Variants in ERGIC1 observed in about 807,000 individuals in gnomAD.
ERGIC1 encodes the protein endoplasmic reticulum-Golgi intermediate compartment protein 1.
ERGIC1 carries 19 observed loss-of-function variants against 38.3 expected under a neutral mutation model. The observed-to-expected ratio is 0.50, with a 90% CI of 0.35 to 0.73. The LOEUF is 0.73. Among genes scored for constraint, ERGIC1 ranks in the 30% least tolerant of loss-of-function variants. The pLI is 0.01. For missense variants in ERGIC1, 294 were observed against 389.2 expected (o/e 0.76, Z 2.06); for synonymous variants, 124 against 157.6 (o/e 0.79, Z 1.60).
At chr5:172,938,006 A>AAAAAG (rs113195509) in intron 9 of ERGIC1, 5,844 of 152,238 alleles carry the variant, frequency 0.038, 390 homozygotes, top group African/African-American at 0.13. Flanking sequence ...TCAAAAAAAA[A>AAAAAG]AAAGAAAGAA....
At chr5:172,894,352 C>T (rs1762668636) in intron 2 of ERGIC1, among the ~76,000 whole-genome samples, 1 of 151,442 alleles carries the variant, frequency 6.6e-6, no homozygotes, top group Admixed American at 6.6e-5. Flanking sequence ...CCTGCCACAA[C>T]ACCTGGCTAA....
chr5:172,850,127 G>C (rs1581509723), intron 1 of ERGIC1, among the ~76,000 whole-genome samples: 1 of 152,164 alleles, frequency 6.6e-6, no homozygotes, highest in Non-Finnish European at 1.5e-5. Context: ...TACCCAACAA[G>C]CCAGGTGGCA....
At chr5:172,843,004 C>T (rs1340116466) in intron 1 of ERGIC1, among the ~76,000 whole-genome samples, 4 of 152,064 alleles carry the variant, frequency 2.6e-5, no homozygotes, top group African/African-American at 9.7e-5. Flanking sequence ...ATTAGCTGGG[C>T]ATGGTGGTAT....
chr5:172,865,594 A>G (rs559280628), intron 1 of ERGIC1, among the ~76,000 whole-genome samples: 1 of 152,212 alleles, frequency 6.6e-6, no homozygotes, highest in East Asian at 1.9e-4. Flanking sequence ...AGTACCCCAG[A>G]AAGCTCCTGC....
chr5:172,940,669 C>T (rs959738388), intron 9 of ERGIC1, among the ~76,000 whole-genome samples: 1 of 152,178 alleles, frequency 6.6e-6, no homozygotes, highest in South Asian at 2.1e-4. Context: ...TTGCGTGCTA[C>T]TCAAAACCTG....
At chr5:172,911,602 G>GT (rs1273495978) in intron 4 of ERGIC1, among the ~76,000 whole-genome samples, 1 of 151,920 alleles carries the variant, frequency 6.6e-6, no homozygotes, top group African/African-American at 2.4e-5. Flanking sequence ...GCTCATCATT[G>GT]TACTTCTGGA....
At chr5:172,892,529 C>T (rs751112068) in intron 2 of ERGIC1, among the ~76,000 whole-genome samples, 1 of 152,130 alleles carries the variant, frequency 6.6e-6, no homozygotes, top group Non-Finnish European at 1.5e-5. Flanking sequence ...TCCAGTGCCC[C>T]CTTTGGCTGG....
At position 172,837,314 on chromosome 5, in the gene ERGIC1, G is replaced by A. The variant is rs1761060578; in HGVS notation, c.20+2881G>A. Among the ~76,000 whole-genome samples, 1 of 152,230 alleles carries A rather than the reference G, an allele frequency of 6.6e-6. No homozygotes were observed. Among genetic ancestry groups the A allele is most frequent in the African/African-American group, 2.4e-5 (1 of 41,456 alleles). ...AGTAGAACAGTTGAGGGATGAGGCA[G>A]TGCGGAAAGCATTTAGACACAGAGT... On this transcript the variant is annotated intron_variant, in intron 1 of 9. Transcript: ENST00000393784. The surrounding 1 kb of genome is among the most constrained non-coding windows in gnomAD (Gnocchi z 4.3).
intron 1 of ERGIC1, among the ~76,000 whole-genome samples, chr5:172,872,523 G>C (rs955449467): frequency 6.6e-6 from 1 of 152,134 alleles, no homozygotes; most frequent in Non-Finnish European, 1.5e-5. Context: ...GTTGTCAAAA[G>C]GTGGTCTCAG....
chr5:172,914,246 A>ATAATAAAT (rs1377534467), intron 4 of ERGIC1, among the ~76,000 whole-genome samples: 1 of 120,904 alleles, frequency 8.3e-6, no homozygotes, highest in African/African-American at 4.4e-5. Flanking sequence ...AAAAAAAAAA[A>ATAATAAAT]AAAAAAAAAA....
intron 3 of ERGIC1, among the ~76,000 whole-genome samples, chr5:172,899,819 G>A (rs1327281495): frequency 6.6e-6 from 1 of 152,204 alleles, no homozygotes; most frequent in Non-Finnish European, 1.5e-5. Context: ...AAAATGAGAT[G>A]GCTGCAGGTA....
chr5:172,853,061 C>T (rs1761452422), intron 1 of ERGIC1, among the ~76,000 whole-genome samples: 2 of 151,998 alleles, frequency 1.3e-5, no homozygotes, highest in African/African-American at 4.8e-5. Flanking sequence ...CAAGAAGCGC[C>T]TGTGTGTATG....
chr5:172,927,486 T>C (rs1013461741), intron 7 of ERGIC1, among the ~76,000 whole-genome samples: 5 of 152,154 alleles, frequency 3.3e-5, no homozygotes, highest in Admixed American at 2.6e-4. Context: ...GTTTACCGTC[T>C]GCTTTTTGTA....
intron 3 of ERGIC1, among the ~76,000 whole-genome samples, chr5:172,906,545 C>A (rs1763030618): frequency 6.6e-6 from 1 of 152,150 alleles, no homozygotes; most frequent in Non-Finnish European, 1.5e-5. Context: ...TCAGAGCCCA[C>A]CGTTCCTTGT....
chr5:172,834,552 T>G lies in ERGIC1; in HGVS notation c.20+119T>G. The G allele has an allele frequency of 2.0e-6, 2 of 977,138 alleles. No individual in the cohort carries two copies. The highest frequency in any genetic ancestry group is 2.6e-6 in the Non-Finnish European group (2 of 770,778). 60.5% of individuals were successfully genotyped at this position (977,138 alleles called of 1,614,324 possible). A position where few individuals can be genotyped will look rare whatever the true frequency, so the allele number is the denominator to read the frequency against. On this transcript the variant is annotated intron_variant, in intron 1 of 9. Coordinates refer to ENST00000393784, the MANE Select transcript of ERGIC1 (RefSeq NM_001031711.3). The surrounding 1 kb of genome is among the most constrained non-coding windows in gnomAD (Gnocchi z 4.1). ...AGCGGCTCCCCGCCCTGTGCATGCC[T>G]CCGCAGGCCCCTAGGGACCCCAGGC... is the stretch of plus-strand genomic sequence containing the variant.
At chr5:172,898,005 C>A in intron 3 of ERGIC1, 1 of 410,280 alleles carries the variant, frequency 2.4e-6, no homozygotes, top group Non-Finnish European at 4.4e-6. Flanking sequence ...ATCGGACGCC[C>A]CTCTGTGATG....
At chr5:172,862,595 C>T (rs1761743060) in intron 1 of ERGIC1, among the ~76,000 whole-genome samples, 1 of 152,194 alleles carries the variant, frequency 6.6e-6, no homozygotes, top group South Asian at 2.1e-4. Flanking sequence ...TGGTTCTCTA[C>T]TGACTCAGCA....
chr5:172,868,048 A>G (rs1218951390), intron 1 of ERGIC1, among the ~76,000 whole-genome samples: 1 of 152,228 alleles, frequency 6.6e-6, no homozygotes, highest in Non-Finnish European at 1.5e-5. Context: ...AGAAGAGAGA[A>G]GCCATAGAAA....
chr5:172,850,630 T>C (rs1761380659), intron 1 of ERGIC1, among the ~76,000 whole-genome samples: 2 of 152,278 alleles, frequency 1.3e-5, no homozygotes, highest in South Asian at 2.1e-4. Flanking sequence ...GAGTCTGTTT[T>C]CTGCTACAAA....
Sources: gnomAD v4.1 joint callset for allele counts (sites outside exome capture counted in the v4.1 genomes callset) on GRCh38, gnomAD v4.1.1 for gene constraint, Gnocchi (gnomAD v3.1) non-coding constraint, MANE v1.5 for transcripts, NCBI Gene and HGNC (gene_info 2026-07-23, HGNC 2026-07-21) for gene names.